Variants in RIT2 observed in about 807,000 individuals in gnomAD.
RIT2 encodes Ras like without CAAX 2.
In RIT2, 24 loss-of-function variants were observed where a neutral mutation model predicts 23.7. The observed-to-expected ratio is 1.01, with a 90% CI of 0.73 to 1.43. The LOEUF (loss-of-function observed/expected upper bound fraction) is 1.43. RIT2 is among the 40% of genes most tolerant of loss of function. The pLI, the probability that RIT2 is intolerant of heterozygous loss-of-function variation, is 0.00. For synonymous variants in RIT2, 107 were observed against 91.1 expected, an observed-to-expected ratio of 1.17 and a Z score of -0.99; for missense variants, 236 against 266.9, an observed-to-expected ratio of 0.88 and a Z score of 0.81.
chr18:42,843,530 C>T (rs892992533), intron 4 of RIT2, among the ~76,000 whole-genome samples: 1 of 152,174 alleles, frequency 6.6e-6, no homozygotes, highest in African/African-American at 2.4e-5. Context: ...GACTCAGACA[C>T]ATAGAGCCAC....
intron 4 of RIT2, among the ~76,000 whole-genome samples, chr18:42,748,743 A>G (rs1425923691): frequency 1.3e-5 from 2 of 151,976 alleles, no homozygotes; most frequent in Admixed American, 6.6e-5. Flanking sequence ...GAAAGATACA[A>G]TGGATTTTGG....
At chr18:42,905,659 G>A (rs559124927) in intron 4 of RIT2, among the ~76,000 whole-genome samples, 1 of 152,194 alleles carries the variant, frequency 6.6e-6, no homozygotes, top group South Asian at 2.1e-4. Flanking sequence ...TTTTAGTGGA[G>A]ATGGGGTTTC....
At chr18:42,870,631 C>T (rs1273960506) in intron 4 of RIT2, among the ~76,000 whole-genome samples, 1 of 152,124 alleles carries the variant, frequency 6.6e-6, no homozygotes, top group Non-Finnish European at 1.5e-5. Flanking sequence ...AACGCTACTA[C>T]TGAAGATCCC....
intron 4 of RIT2, among the ~76,000 whole-genome samples, chr18:42,872,187 G>A (rs894576871): frequency 6.6e-6 from 1 of 152,114 alleles, no homozygotes; most frequent in East Asian, 1.9e-4. Context: ...ACAAGTGACA[G>A]GAAACCCTCT....
chr18:42,804,561 T>TAAAAAAAAAAAA, intron 4 of RIT2, among the ~76,000 whole-genome samples: 1 of 52,844 alleles, frequency 1.9e-5, no homozygotes, highest in Non-Finnish European at 3.8e-5. Context: ...GCCTCAAAAC[T>TAAAAAAAAAAAA]AAAAAAAAAA....
chr18:42,856,375 C>T (rs1211009171), intron 4 of RIT2, among the ~76,000 whole-genome samples: 4 of 152,204 alleles, frequency 2.6e-5, no homozygotes, highest in South Asian at 2.1e-4. Flanking sequence ...TTAGATCACA[C>T]CCTTTTTGCC....
intron 4 of RIT2, among the ~76,000 whole-genome samples, chr18:42,848,055 T>C (rs1313489677): frequency 6.6e-6 from 1 of 151,844 alleles, no homozygotes; most frequent in Non-Finnish European, 1.5e-5. Context: ...TAGTGTTCAG[T>C]TGTCAACTCG....
chr18:42,795,588 A>G (rs1905321884), intron 4 of RIT2, among the ~76,000 whole-genome samples: 1 of 152,272 alleles, frequency 6.6e-6, no homozygotes, highest in South Asian at 2.1e-4. Flanking sequence ...GCCCAGTCCC[A>G]TCGACCACCT....
intron 3 of RIT2, among the ~76,000 whole-genome samples, chr18:42,927,051 C>T (rs946799944): frequency 3.3e-5 from 5 of 152,034 alleles, no homozygotes; most frequent in African/African-American, 1.2e-4. Flanking sequence ...TGTTAAAATG[C>T]TTTGATGAAT....
At chr18:43,010,484 A>G (rs1490125760) in intron 2 of RIT2, among the ~76,000 whole-genome samples, 1 of 151,840 alleles carries the variant, frequency 6.6e-6, no homozygotes, top group Non-Finnish European at 1.5e-5. Context: ...TTTTCAATTC[A>G]TGCATAATCT....
At chr18:42,913,787 A>C (rs930658138) in intron 4 of RIT2, among the ~76,000 whole-genome samples, 1 of 151,960 alleles carries the variant, frequency 6.6e-6, no homozygotes, top group Non-Finnish European at 1.5e-5. Context: ...TCTATTCTAC[A>C]ATATGGTGGC....
At chr18:43,102,930 G>C (rs1239278349) in intron 1 of RIT2, among the ~76,000 whole-genome samples, 1 of 152,026 alleles carries the variant, frequency 6.6e-6, no homozygotes, top group Admixed American at 6.5e-5. Flanking sequence ...CTGGGATTAT[G>C]GACGTGAGCC....
At chr18:42,920,608 T>G in intron 4 of RIT2, 1 of 823,580 alleles carries the variant, frequency 1.2e-6, no homozygotes, top group Non-Finnish European at 2.0e-6. Context: ...TAAAACTCGT[T>G]GTCTTTTTGT....
intron 4 of RIT2, among the ~76,000 whole-genome samples, chr18:42,883,600 C>T (rs1212226207): frequency 6.6e-6 from 1 of 151,954 alleles, no homozygotes; most frequent in South Asian, 2.1e-4. Context: ...CAGTGGGACG[C>T]CCCCACGCTA....
intron 4 of RIT2, among the ~76,000 whole-genome samples, chr18:42,755,100 C>G (rs892168275): frequency 6.6e-6 from 1 of 152,074 alleles, no homozygotes; most frequent in African/African-American, 2.4e-5. Flanking sequence ...TTATAGAGTT[C>G]CTAGTATACT....
intron 4 of RIT2, among the ~76,000 whole-genome samples, chr18:42,779,755 AT>A: frequency 6.6e-6 from 1 of 152,172 alleles, no homozygotes; most frequent in Non-Finnish European, 1.5e-5. Context: ...AGTCAATGTG[AT>A]TTGGAAATGG....
intron 3 of RIT2, among the ~76,000 whole-genome samples, chr18:42,968,322 G>C (rs900673945): frequency 6.6e-6 from 1 of 152,100 alleles, no homozygotes; most frequent in Non-Finnish European, 1.5e-5. Context: ...GCTACCATAA[G>C]AATTAACAAG....
At chr18:42,887,243 A>G (rs980970859) in intron 4 of RIT2, among the ~76,000 whole-genome samples, 1 of 152,202 alleles carries the variant, frequency 6.6e-6, no homozygotes, top group African/African-American at 2.4e-5. Flanking sequence ...TAAGTAATTA[A>G]TAAATATCCC....
At chr18:43,027,146 T>A (rs986558679) in intron 2 of RIT2, among the ~76,000 whole-genome samples, 23 of 152,096 alleles carry the variant, frequency 1.5e-4, no homozygotes, top group Non-Finnish European at 3.4e-4. Flanking sequence ...AGTCAAGGTA[T>A]CCCTAATAAA....
Sources: allele counts gnomAD v4.1 joint callset (sites outside exome capture counted in the v4.1 genomes callset), GRCh38; gene constraint gnomAD v4.1.1; transcripts MANE v1.5; gene names NCBI Gene and HGNC (gene_info 2026-07-23, HGNC 2026-07-21).